CCDC33: variants seen among roughly 807,000 people sequenced by gnomAD.
CCDC33 encodes coiled-coil domain-containing protein 33.
CCDC33 carries 94 observed loss-of-function variants against 91.9 expected under a neutral mutation model. The observed-to-expected ratio is 1.02, with a 90% CI of 0.87 to 1.21. The LOEUF is 1.21. Among genes scored for constraint, CCDC33 ranks in the 50% most tolerant of loss-of-function variants. The pLI, the probability that CCDC33 is intolerant of heterozygous loss-of-function variation, is 0.00. For synonymous variants in CCDC33, 396 were observed against 374.5 expected, an observed-to-expected ratio of 1.06 and a Z score of -0.66; for missense variants, 940 against 935.5, an observed-to-expected ratio of 1.00 and a Z score of -0.06.
chr15:74,219,832 G>GA (rs1282937478), intron 2 of CCDC33, among the ~76,000 whole-genome samples: 3 of 152,186 alleles, frequency 2.0e-5, no homozygotes, highest in Non-Finnish European at 4.4e-5. Context: ...ATTCCAGGAG[G>GA]AGGGACCATG....
chr15:74,211,518 G>A (rs1202094865), intron 2 of CCDC33, among the ~76,000 whole-genome samples: 2 of 150,488 alleles, frequency 1.3e-5, no homozygotes, highest in East Asian at 2.0e-4. Context: ...CTCCTGCTTC[G>A]GCCTCCCGAG....
intron 11 of CCDC33, among the ~76,000 whole-genome samples, chr15:74,320,615 C>T (rs1253554416): frequency 6.6e-6 from 1 of 152,110 alleles, no homozygotes; most frequent in Non-Finnish European, 1.5e-5. Flanking sequence ...GAAGCTGGGG[C>T]CACCCTGGGG....
intron 2 of CCDC33, among the ~76,000 whole-genome samples, chr15:74,260,121 C>T (rs1327660195): frequency 6.6e-6 from 1 of 152,226 alleles, no homozygotes; most frequent in Admixed American, 6.5e-5. Context: ...TCTGACTTTG[C>T]TGGGGCAGCT....
intron 2 of CCDC33, among the ~76,000 whole-genome samples, chr15:74,261,708 G>C (rs1396947220): frequency 1.3e-5 from 2 of 152,136 alleles, no homozygotes; most frequent in Admixed American, 6.5e-5. Flanking sequence ...CTGGATCTCC[G>C]ATATCTGTGG....
At chr15:74,287,007 T>C (rs2059488328) in intron 10 of CCDC33, among the ~76,000 whole-genome samples, 1 of 151,982 alleles carries the variant, frequency 6.6e-6, no homozygotes, top group Admixed American at 6.5e-5. Context: ...CAGCCCAGAG[T>C]GAGGACAAGT....
At chr15:74,209,768 C>T (rs1364595485) in intron 2 of CCDC33, 1 of 292,034 alleles carries the variant, frequency 3.4e-6, no homozygotes, top group Non-Finnish European at 6.3e-6. Context: ...GCAGACAAGA[C>T]TGGGGAAGGA....
At chr15:74,251,566 C>A (rs2075710521) in intron 2 of CCDC33, among the ~76,000 whole-genome samples, 1 of 152,188 alleles carries the variant, frequency 6.6e-6, no homozygotes. Flanking sequence ...GGGGACAGAG[C>A]CAGGACTCGA....
intron 18 of CCDC33, 55 bp downstream of exon 18, chr15:74,335,143 C>T (rs1268952897): frequency 1.5e-6 from 2 of 1,352,626 alleles, no homozygotes; most frequent in East Asian, 2.3e-5. Context: ...AGCAGGAAGC[C>T]ACCGCACCCC....
intron 10 of CCDC33, among the ~76,000 whole-genome samples, chr15:74,287,586 C>A (rs1332927278): frequency 1.3e-5 from 2 of 152,104 alleles, no homozygotes; most frequent in African/African-American, 4.8e-5. Flanking sequence ...CTTTGGGAGG[C>A]CGAGGTGGGC....
At chr15:74,284,338 T>A (rs2059431565) in intron 10 of CCDC33, among the ~76,000 whole-genome samples, 1 of 152,194 alleles carries the variant, frequency 6.6e-6, no homozygotes, top group Admixed American at 6.5e-5. Flanking sequence ...GGCTTGGACA[T>A]GGCTCTCTAG....
At chr15:74,281,257 T>A (rs1383914457) in intron 9 of CCDC33, among the ~76,000 whole-genome samples, 1 of 152,262 alleles carries the variant, frequency 6.6e-6, no homozygotes, top group Non-Finnish European at 1.5e-5. Flanking sequence ...AGAGCCAGAC[T>A]GTCTGGGTCC....
intron 2 of CCDC33, among the ~76,000 whole-genome samples, chr15:74,223,468 A>G (rs990663283): frequency 1.3e-4 from 20 of 152,042 alleles, no homozygotes; most frequent in Non-Finnish European, 2.5e-4. Flanking sequence ...CCTCCTTGCA[A>G]ATGAGGCAGT....
chr15:74,281,975 A>G (rs1164599992), intron 10 of CCDC33, 126 bp downstream of exon 10: 26 of 768,626 alleles, frequency 3.4e-5, no homozygotes, highest in South Asian at 3.4e-4. Context: ...TTGGATAGAA[A>G]CGTCTAAGGG....
At chr15:74,250,318 C>T (rs2075664736) in intron 2 of CCDC33, among the ~76,000 whole-genome samples, 1 of 152,160 alleles carries the variant, frequency 6.6e-6, no homozygotes, top group Non-Finnish European at 1.5e-5. Context: ...GGATTCCAGG[C>T]TCAGCACGGT....
chr15:74,219,711 A>G (rs772834254), intron 2 of CCDC33, among the ~76,000 whole-genome samples: 1 of 151,938 alleles, frequency 6.6e-6, no homozygotes, highest in Non-Finnish European at 1.5e-5. Context: ...TCCTTCATTT[A>G]CCCTTTTATC....
At chr15:74,306,391 A>G (rs1296415635) in intron 11 of CCDC33, among the ~76,000 whole-genome samples, 1 of 152,214 alleles carries the variant, frequency 6.6e-6, no homozygotes, top group African/African-American at 2.4e-5. Context: ...CACTGTGATA[A>G]GCAAGAGAGA....
At chr15:74,203,105 C>G (rs984091770) in intron 1 of CCDC33, 1 of 985,466 alleles carries the variant, frequency 1.0e-6, no homozygotes, top group African/African-American at 1.7e-5. Flanking sequence ...CCGAGTGAGA[C>G]GGACCGCTGG....
intron 7 of CCDC33, among the ~76,000 whole-genome samples, chr15:74,278,686 C>G (rs1387668740): frequency 6.6e-6 from 1 of 152,264 alleles, no homozygotes; most frequent in African/African-American, 2.4e-5. Context: ...ACCTTTATCC[C>G]TCTCTTCACC....
intron 2 of CCDC33, among the ~76,000 whole-genome samples, chr15:74,257,281 C>T (rs962981013): frequency 1.3e-4 from 20 of 152,378 alleles, no homozygotes; most frequent in Middle Eastern, 3.4e-3. Flanking sequence ...GCTCAAAACC[C>T]ACAAGGACCA....
Sources: gnomAD v4.1 joint callset for allele counts (sites outside exome capture counted in the v4.1 genomes callset) on GRCh38, gnomAD v4.1.1 for gene constraint, MANE v1.5 for transcripts, NCBI Gene and HGNC (gene_info 2026-07-23, HGNC 2026-07-21) for gene names.